Variants in DNAH3 observed in about 807,000 individuals in gnomAD.
DNAH3 encodes axonemal beta dynein heavy chain 3.
Under a neutral mutation model 432.5 loss-of-function variants are expected in DNAH3, and 332 were observed. The observed-to-expected ratio is 0.77, with a 90% CI of 0.70 to 0.84. The LOEUF is 0.84. Among genes scored for constraint, DNAH3 ranks in the 40% least tolerant of loss-of-function variants. DNAH3 has a pLI of 0.00. For synonymous variants in DNAH3, 1,956 were observed against 1,900.2 expected (o/e 1.03, Z -0.76); for missense variants, 4,861 against 5,114.0 (o/e 0.95, Z 1.51).
intron 12 of DNAH3, among the ~76,000 whole-genome samples, chr16:21,114,345 C>T (rs997465670): frequency 7.0e-6 from 1 of 143,456 alleles, no homozygotes; most frequent in African/African-American, 2.6e-5. Context: ...TCAAATGACA[C>T]AAAAATGGCT....
chr16:21,120,749 CAG>C lies in DNAH3; in HGVS notation c.1688_1689del (p.Thr563SerfsTer9). 1.2e-6 allele frequency: 2 copies of C among 1,613,094 alleles called. No homozygotes were observed. The highest frequency in any genetic ancestry group is 2.7e-5 in the African/African-American group (2 of 75,032). On this transcript the variant is annotated frameshift_variant, in exon 11 of 62. Transcript: ENST00000261383. LOFTEE classifies it high-confidence loss of function. ...GTACCGGCCCTGGTACCTGCCATTG[CAG>C]TGGCAGCCGCGTGCATGCTGGGCTC...
intron 14 of DNAH3, among the ~76,000 whole-genome samples, chr16:21,108,734 C>A (rs570114689): frequency 1.3e-5 from 2 of 151,916 alleles, no homozygotes; most frequent in Non-Finnish European, 1.5e-5. Flanking sequence ...CAGAGTAAGA[C>A]CCTGTCTCAA....
intron 1 of DNAH3, among the ~76,000 whole-genome samples, chr16:21,150,004 T>A (rs2092833157): frequency 6.6e-6 from 1 of 151,982 alleles, no homozygotes; most frequent in Non-Finnish European, 1.5e-5. Flanking sequence ...GGCAGGCGGA[T>A]CTCCTGAGAT....
chr16:20,980,702 C>T (rs1224844430), intron 49 of DNAH3, among the ~76,000 whole-genome samples: 3 of 152,010 alleles, frequency 2.0e-5, no homozygotes, highest in Non-Finnish European at 2.9e-5. Flanking sequence ...TTTAAAAATG[C>T]ATAAAATAAA....
In DNAH3 at chr16:21,111,963, AG is replaced by A. The variant is rs776652380; in HGVS notation, c.1920+29del. The A allele has an allele frequency of 1.2e-4, 188 of 1,580,752 alleles. 1 individual carries two copies. The East Asian group carries it at 4.1e-3, about 34-fold the overall frequency. ...GGATTGTCTGCAGCACATGTCACCAAGGTATAAAATCTCAAGTGGCATTTCC... is the reference window on the plus strand; with the variant it reads ...GGATTGTCTGCAGCACATGTCACCAAGTATAAAATCTCAAGTGGCATTTCC... On this transcript the variant is annotated intron_variant, in intron 13 of 61. Coordinates refer to ENST00000261383, the Ensembl canonical transcript of DNAH3.
Position 20,975,377 on chromosome 16 carries a change from AGGTTGAAGAGCTGTCAGTTC to A in DNAH3, c.8095_8114del (p.Glu2699SerfsTer17). ...TTTCCTCGGAGGTGAGGATGAGTTG[AGGTTGAAGAGCTGTCAGTTC>A]TCTTTGCATAACCGCTACCTAGCAA... On this transcript the variant is annotated frameshift_variant, in exon 51 of 62. Coordinates refer to ENST00000261383, the Ensembl canonical transcript of DNAH3. LOFTEE classifies it high-confidence loss of function. 6.2e-7 allele frequency: 1 copy of A among 1,614,162 alleles called. No individual in the cohort carries two copies.
At chr16:21,114,411 T>C (rs1415639046) in intron 12 of DNAH3, among the ~76,000 whole-genome samples, 1 of 152,112 alleles carries the variant, frequency 6.6e-6, no homozygotes, top group African/African-American at 2.4e-5. Context: ...TTAAAATAAG[T>C]TTGAATTAAA....
intron 48 of DNAH3, 89 bp from the exon 49 acceptor site, chr16:20,982,975 G>T: frequency 6.8e-7 from 1 of 1,461,988 alleles, no homozygotes; most frequent in South Asian, 1.2e-5. Context: ...TTCTGGTGGG[G>T]TAAGTGGGGG....
At chr16:21,145,487 C>T in intron 2 of DNAH3, 81 bp from the exon 4 acceptor site, 1 of 1,207,740 alleles carries the variant, frequency 8.3e-7, no homozygotes, top group Non-Finnish European at 1.2e-6. Flanking sequence ...CTGAGGCTCA[C>T]AAGAGTTCCA....
intron 31 of DNAH3, among the ~76,000 whole-genome samples, chr16:21,047,408 C>T (rs1456266801): frequency 2.6e-5 from 4 of 151,544 alleles, no homozygotes; most frequent in East Asian, 1.9e-4. Flanking sequence ...CTTCCCTTCT[C>T]GCTTCATTTC....
intron 44 of DNAH3, among the ~76,000 whole-genome samples, chr16:20,989,077 A>G (rs1344550625): frequency 1.3e-5 from 2 of 152,182 alleles, no homozygotes; most frequent in Non-Finnish European, 1.5e-5. Flanking sequence ...CGAAAGAACA[A>G]AGCTTCCACA....
chr16:21,154,951 CTTT>C (rs772054168), intron 1 of DNAH3, among the ~76,000 whole-genome samples: 4 of 134,662 alleles, frequency 3.0e-5, no homozygotes, highest in Admixed American at 7.5e-5. Context: ...TTCTTTCTTT[CTTT>C]TTTTTTTTTT....
Position 20,955,814 on chromosome 16 carries a change from T to TA in DNAH3, c.10827-758dup, listed in dbSNP as rs1187673059. ...TGCCCACAAAAAATGGAAACATATG[T>TA]AAAAGTGTTTAGAAGAAACTAGAAT... On this transcript the variant is annotated intron_variant, in intron 54 of 61. Coordinates refer to ENST00000261383, the Ensembl canonical transcript of DNAH3. Among the ~76,000 whole-genome samples, 4 of 152,306 alleles carry TA rather than the reference T, an allele frequency of 2.6e-5. No individual in the cohort carries two copies. The East Asian group carries it at 7.7e-4, about 29-fold the overall frequency.
intron 8 of DNAH3, among the ~76,000 whole-genome samples, chr16:21,126,820 C>G (rs1244577442): frequency 6.6e-6 from 1 of 152,020 alleles, no homozygotes; most frequent in Non-Finnish European, 1.5e-5. Flanking sequence ...GTGAACCCTA[C>G]TGTGAACTGC....
At chr16:21,155,857 A>T (rs1391827894) in intron 1 of DNAH3, among the ~76,000 whole-genome samples, 1 of 152,186 alleles carries the variant, frequency 6.6e-6, no homozygotes, top group Non-Finnish European at 1.5e-5. Flanking sequence ...GTTGCTAAAA[A>T]AATTTCACAC....
chr16:21,113,325 G>C (rs1350224443), intron 12 of DNAH3, among the ~76,000 whole-genome samples: 1 of 152,116 alleles, frequency 6.6e-6, no homozygotes, highest in Non-Finnish European at 1.5e-5. Context: ...GGGTTTACCA[G>C]GGGTTTCTGC....
chr16:21,098,438 CAAA>C (rs57032212), intron 17 of DNAH3, among the ~76,000 whole-genome samples, 175 bp downstream of exon 17: 3 of 62,892 alleles, frequency 4.8e-5, no homozygotes, highest in Admixed American at 1.8e-4. Flanking sequence ...GACCTTGTCT[CAAA>C]AAAAAAAAAA....
intron 44 of DNAH3, among the ~76,000 whole-genome samples, chr16:20,996,425 C>T (rs1597094568): frequency 6.6e-6 from 1 of 152,202 alleles, no homozygotes; most frequent in East Asian, 1.9e-4. Context: ...AACCCCAGAC[C>T]TGTGTCAGCT....
At chr16:20,957,808 C>CAAAAAAAAAAAAAAAAAAAAAAAA (rs762197650) in intron 54 of DNAH3, among the ~76,000 whole-genome samples, 2 of 53,284 alleles carry the variant, frequency 3.8e-5, no homozygotes, top group East Asian at 4.7e-4. Flanking sequence ...ACTCCATCTC[C>CAAAAAAAAAAAAAAAAAAAAAAAA]AAAAAAAAAA....
Sources: allele counts gnomAD v4.1 joint callset (sites outside exome capture counted in the v4.1 genomes callset), GRCh38; gene constraint gnomAD v4.1.1; transcripts MANE v1.5; gene names NCBI Gene and HGNC (gene_info 2026-07-23, HGNC 2026-07-21).